MROH1: variants seen among roughly 807,000 people sequenced by gnomAD.
MROH1 encodes maestro heat like repeat family member 1, also known as maestro heat-like repeat-containing protein family member 1.
In MROH1, 117 loss-of-function variants were observed where a neutral mutation model predicts 116.5. The observed-to-expected ratio is 1.00, with a 90% CI of 0.86 to 1.17. The LOEUF is 1.17. MROH1 is among the 50% of genes most tolerant of loss of function. The pLI, the probability that MROH1 is intolerant of heterozygous loss-of-function variation, is 0.00. For missense variants in MROH1, 1,873 were observed against 1,338.5 expected (o/e 1.40, Z -6.23); for synonymous variants, 921 against 583.9 (o/e 1.58, Z -8.32).
At chr8:144,173,438 TTTTGAGACA>T (rs1462732204) in intron 4 of MROH1, among the ~76,000 whole-genome samples, 1 of 151,546 alleles carries the variant, frequency 6.6e-6, no homozygotes, top group Non-Finnish European at 1.5e-5. Context: ...ATTTTTTTTT[TTTTGAGACA>T]GAGTCTCACT....
At chr8:144,175,751 C>A (rs1240326208) in intron 4 of MROH1, among the ~76,000 whole-genome samples, 1 of 151,916 alleles carries the variant, frequency 6.6e-6, no homozygotes, top group Non-Finnish European at 1.5e-5. Flanking sequence ...CAGACCCCAT[C>A]TCTAAAAAAA....
intron 17 of MROH1, 52 bp from the exon 18 acceptor site, chr8:144,239,562 G>T (rs1321145953): frequency 1.3e-6 from 1 of 765,796 alleles, no homozygotes; most frequent in East Asian, 2.5e-5. Flanking sequence ...CAGGTTGTGG[G>T]CATGACCAGT....
At position 144,254,975 on chromosome 8, in the gene MROH1, C is replaced by A; in HGVS notation, c.3591C>A (p.Leu1197=). 1.3e-6 allele frequency: 1 copy of A among 762,952 alleles called. No individual in the cohort carries two copies. The highest frequency in any genetic ancestry group is 2.5e-5 in the East Asian group (1 of 40,584). The allele number at this position is 762,952 out of a possible 1,614,324, so 47.3% of individuals were successfully genotyped here. A position where few individuals can be genotyped will look rare whatever the true frequency, so the allele number is the denominator to read the frequency against. The change falls in exon 34 of 44, where the codon CTC becomes CTA. Residue 1197 remains leucine, a synonymous_variant. Coordinates refer to ENST00000326134, the MANE Select transcript of MROH1 (RefSeq NM_032450.3). ...TPDRVATLLP[L]SATCALFEVM... is the part of the protein sequence containing the mutation. ...ACCGCGTGGCCACGCTGCTGCCTCT[C>A]TCGGTGAGTCGGGCTCTCGGGGCCA... is the stretch of plus-strand genomic sequence containing the variant.
chr8:144,167,096 G>C (rs932150248), intron 3 of MROH1, among the ~76,000 whole-genome samples: 1 of 152,198 alleles, frequency 6.6e-6, no homozygotes, highest in African/African-American at 2.4e-5. Context: ...GGATGTCCTC[G>C]TTGGCAGCCT....
intron 31 of MROH1, among the ~76,000 whole-genome samples, chr8:144,247,998 G>A (rs1842189242): frequency 6.6e-6 from 1 of 152,258 alleles, no homozygotes; most frequent in Non-Finnish European, 1.5e-5. Context: ...ACCCTGGCCT[G>A]CTCATGAAGA....
At chr8:144,258,755 G>A (rs949958967) in intron 35 of MROH1, 22 bp from the exon 36 acceptor site, 597 of 759,770 alleles carry the variant, frequency 7.9e-4, no homozygotes, top group African/African-American at 2.8e-3. Context: ...CCTACCAGCT[G>A]AGCACCCTGG....
At chr8:144,231,807 C>G (rs996148179) in intron 14 of MROH1, among the ~76,000 whole-genome samples, 4 of 152,228 alleles carry the variant, frequency 2.6e-5, no homozygotes, top group Non-Finnish European at 1.5e-5. Context: ...CCAGACCTTC[C>G]ACTTGGTTAA....
chr8:144,179,613 A>G (rs1216576738), intron 5 of MROH1, 27 bp downstream of exon 5: 2 of 1,581,510 alleles, frequency 1.3e-6, no homozygotes, highest in Admixed American at 1.8e-5. Context: ...CTGGCCTCGC[A>G]GACTCAGGCC....
chr8:144,220,171 C>T (rs548803977), intron 12 of MROH1, among the ~76,000 whole-genome samples: 6 of 152,322 alleles, frequency 3.9e-5, no homozygotes, highest in Admixed American at 2.6e-4. Context: ...AGCATTAGCT[C>T]ACCTTGGAAT....
At chr8:144,220,915 C>T (rs1020933874) in intron 13 of MROH1, among the ~76,000 whole-genome samples, 3 of 152,214 alleles carry the variant, frequency 2.0e-5, no homozygotes, top group Admixed American at 6.5e-5. Context: ...CCGCGGGTCC[C>T]TAGCCCCTCC....
chr8:144,235,526 T>G (rs1763874616), intron 14 of MROH1, among the ~76,000 whole-genome samples: 1 of 152,236 alleles, frequency 6.6e-6, no homozygotes, highest in African/African-American at 2.4e-5. Context: ...CTTCTAGTCC[T>G]GCTTTGCTGA....
intron 9 of MROH1, 51 bp from the exon 10 acceptor site, chr8:144,192,258 T>C: frequency 6.7e-7 from 1 of 1,485,198 alleles, no homozygotes; most frequent in Non-Finnish European, 9.1e-7. Context: ...CCTTAGTCAG[T>C]TCGGGCGGCT....
rs956845869 is a variant in MROH1 at position 144,240,695 on chromosome 8, G to T, written c.1935+18G>T. ...AGGAGAAGGTGGGGCACCTGCTGGC[G>T]TTCTTGGTGTGGTACTTGGGCTCCG... On this transcript the variant is annotated intron_variant, in intron 20 of 43. Transcript: ENST00000326134. 1.3e-5 allele frequency: 9 copies of T among 714,254 alleles called. No individual in the cohort carries two copies. The highest frequency in any genetic ancestry group is 2.1e-5 in the Non-Finnish European group (8 of 384,920). 44.2% of individuals were successfully genotyped at this position (714,254 alleles called of 1,614,324 possible).
intron 1 of MROH1, among the ~76,000 whole-genome samples, chr8:144,156,780 C>CTTTTTTTTTTTTTTTTT (rs1188353149): frequency 1.2e-5 from 1 of 82,412 alleles, no homozygotes; most frequent in Non-Finnish European, 2.2e-5. Context: ...AGTTTAATTT[C>CTTTTTTTTTTTTTTTTT]TTTTTTTTTT....
chr8:144,218,230 T>G (rs764182169), intron 12 of MROH1, among the ~76,000 whole-genome samples: 8 of 152,162 alleles, frequency 5.3e-5, no homozygotes, highest in Non-Finnish European at 1.0e-4. Context: ...GCAGGAACAT[T>G]ACCCGAGATG....
At chr8:144,243,262 C>T (rs1437002165) in intron 24 of MROH1, among the ~76,000 whole-genome samples, 2 of 152,256 alleles carry the variant, frequency 1.3e-5, no homozygotes, top group African/African-American at 4.8e-5. Flanking sequence ...TCTGGTCACA[C>T]CACACAGTGT....
chr8:144,239,719 G>C lies in MROH1; in HGVS notation c.1738G>C (p.Glu580Gln). The change falls in exon 18 of 44, where the codon GAA becomes CAA. Residue 580 changes from glutamate to glutamine, a missense_variant. By Grantham distance (29) the Glu-to-Gln change is conservative. Transcript: ENST00000326134. The stretch of plus-strand genomic sequence containing the variant: ...TCACCCTTTGCTGGGTCAGCATTGG[G>C]AAACGACTGTCCCGCTGCTGCTGGG... ...NIHPLLGQHW[E>Q]TTVPLLLGYL... The C allele has an allele frequency of 1.4e-6, 1 of 722,876 alleles. No homozygotes were observed. The highest frequency in any genetic ancestry group is 2.6e-6 in the Non-Finnish European group (1 of 388,098). The allele number at this position is 722,876 out of a possible 1,614,324, so 44.8% of individuals were successfully genotyped here. A position where few individuals can be genotyped will look rare whatever the true frequency, so the allele number is the denominator to read the frequency against.
intron 12 of MROH1, among the ~76,000 whole-genome samples, chr8:144,210,805 ATTTTGT>A (rs1156409332): frequency 6.6e-6 from 1 of 151,968 alleles, no homozygotes; most frequent in Non-Finnish European, 1.5e-5. Flanking sequence ...ACCATTGGTG[ATTTTGT>A]TTATTTTTAG....
In MROH1 at chr8:144,259,930, CCAA is replaced by C. The variant is rs1844684155; in HGVS notation, c.4066_4068del (p.Asn1356del). 1.3e-6 allele frequency: 1 copy of C among 741,758 alleles called. No homozygotes were observed. Among genetic ancestry groups the C allele is most frequent in the South Asian group, 1.4e-5 (1 of 69,572 alleles). 45.9% of individuals were successfully genotyped at this position (741,758 alleles called of 1,614,324 possible). On this transcript the variant is annotated inframe_deletion, in exon 38 of 44. Coordinates refer to ENST00000326134, the MANE Select transcript of MROH1 (RefSeq NM_032450.3). ...CTGCAGCTGCTGAACAGCAACGTGG[CCAA>C]CGACCTCATGCTCTTGGACTCGCTG...
Sources: gnomAD v4.1 joint callset for allele counts (sites outside exome capture counted in the v4.1 genomes callset) on GRCh38, gnomAD v4.1.1 for gene constraint, MANE v1.5 for transcripts, NCBI Gene and HGNC (gene_info 2026-07-23, HGNC 2026-07-21) for gene names.